Variants in PXDNL observed in about 807,000 individuals in gnomAD.
PXDNL encodes peroxidasin like.
A neutral mutation model predicts 150.8 loss-of-function variants in PXDNL; 145 were observed. That is an observed-to-expected ratio of 0.96 (90% confidence interval 0.84 to 1.10). The LOEUF is 1.10. PXDNL is among the 50% of genes least tolerant of loss of function. The pLI is 0.00. For missense variants in PXDNL, 2,087 were observed against 1,873.9 expected, an observed-to-expected ratio of 1.11 and a Z score of -2.10; for synonymous variants, 757 against 725.7, an observed-to-expected ratio of 1.04 and a Z score of -0.69.
At chr8:51,323,981 TATAAGAA>T (rs1448326062) in intron 21 of PXDNL, among the ~76,000 whole-genome samples, 1 of 151,646 alleles carries the variant, frequency 6.6e-6, no homozygotes. Flanking sequence ...GGGTCATTAG[TATAAGAA>T]ATACAGTGCG....
rs111420954 is a variant in PXDNL at position 51,758,367 on chromosome 8, T to C, written c.164+50814A>G. 2.6e-3 allele frequency among the ~76,000 whole-genome samples: 389 copies of C among 152,278 alleles called. 1 individual carries two copies. The highest frequency in any genetic ancestry group is 8.9e-3 in the African/African-American group (370 of 41,552). On this transcript the variant is annotated intron_variant, in intron 1 of 22. Transcript: ENST00000356297. ...ATGTATGAGTAATTCCCGACCATAT[T>C]TGGTTCATAAAGAAATGCAAGGAAA...
intron 1 of PXDNL, among the ~76,000 whole-genome samples, chr8:51,693,237 A>C (rs1816037456): frequency 6.6e-6 from 1 of 152,252 alleles, no homozygotes; most frequent in South Asian, 2.1e-4. Context: ...AAGAGTAAAC[A>C]GTCCAATTTG....
At chr8:51,802,362 T>C (rs2037630683) in intron 1 of PXDNL, among the ~76,000 whole-genome samples, 1 of 152,206 alleles carries the variant, frequency 6.6e-6, no homozygotes, top group African/African-American at 2.4e-5. Flanking sequence ...CTTCATTGTC[T>C]AGAGCAAGCT....
chr8:51,464,550 C>T (rs555249069), intron 8 of PXDNL, among the ~76,000 whole-genome samples: 2 of 152,108 alleles, frequency 1.3e-5, no homozygotes, highest in Admixed American at 6.5e-5. Context: ...ACAACAATTC[C>T]CACAGAAATA....
intron 1 of PXDNL, among the ~76,000 whole-genome samples, chr8:51,752,287 T>C (rs2037053307): frequency 6.6e-6 from 1 of 152,144 alleles, no homozygotes; most frequent in East Asian, 1.9e-4. Context: ...AATAAACTTG[T>C]TTGCAGAGGC....
At chr8:51,595,549 T>A (rs1010977366) in intron 2 of PXDNL, among the ~76,000 whole-genome samples, 1 of 152,148 alleles carries the variant, frequency 6.6e-6, no homozygotes, top group Non-Finnish European at 1.5e-5. Context: ...TTCCTGCTTG[T>A]TATGGTTATG....
intron 1 of PXDNL, among the ~76,000 whole-genome samples, chr8:51,783,945 G>T (rs2037437931): frequency 6.6e-6 from 1 of 152,132 alleles, no homozygotes; most frequent in Non-Finnish European, 1.5e-5. Context: ...AAATTCCAAA[G>T]TCATGATTGT....
chr8:51,437,901 A>G (rs1280978002), intron 12 of PXDNL, among the ~76,000 whole-genome samples: 1 of 152,196 alleles, frequency 6.6e-6, no homozygotes, highest in Non-Finnish European at 1.5e-5. Context: ...TTGTATACCT[A>G]GAAAACCCTA....
intron 8 of PXDNL, among the ~76,000 whole-genome samples, chr8:51,462,446 A>C (rs887140182): frequency 6.6e-6 from 1 of 152,198 alleles, no homozygotes; most frequent in Non-Finnish European, 1.5e-5. Flanking sequence ...CATTTTAAGA[A>C]AGAACCAAAT....
At chr8:51,681,287 A>T (rs1351224123) in intron 1 of PXDNL, among the ~76,000 whole-genome samples, 1 of 152,142 alleles carries the variant, frequency 6.6e-6, no homozygotes, top group African/African-American at 2.4e-5. Context: ...TCCCCATAAG[A>T]GAACTGCTCT....
At chr8:51,631,438 G>A (rs1385248591) in intron 2 of PXDNL, among the ~76,000 whole-genome samples, 1 of 151,956 alleles carries the variant, frequency 6.6e-6, no homozygotes, top group Admixed American at 6.6e-5. Context: ...TAAAATAAAA[G>A]CTTTTTAAAA....
At chr8:51,589,880 G>A (rs1813404815) in intron 3 of PXDNL, among the ~76,000 whole-genome samples, 1 of 152,154 alleles carries the variant, frequency 6.6e-6, no homozygotes, top group South Asian at 2.1e-4. Context: ...CTACAGGTGT[G>A]CCCAAGTGAC....
At chr8:51,624,683 TA>T (rs1282684679) in intron 2 of PXDNL, among the ~76,000 whole-genome samples, 137 of 148,364 alleles carry the variant, frequency 9.2e-4, no homozygotes, top group Middle Eastern at 3.6e-3. Flanking sequence ...ATATTATATA[TA>T]TAATATATAT....
chr8:51,684,563 G>T (rs1002434042), intron 1 of PXDNL, among the ~76,000 whole-genome samples: 3 of 152,186 alleles, frequency 2.0e-5, no homozygotes, highest in Non-Finnish European at 2.9e-5. Context: ...TGATTATACT[G>T]TTACATGCAA....
At chr8:51,607,213 A>G (rs1008519306) in intron 2 of PXDNL, among the ~76,000 whole-genome samples, 4 of 152,200 alleles carry the variant, frequency 2.6e-5, no homozygotes, top group African/African-American at 4.8e-5. Context: ...GGGGAGGGAC[A>G]CAGTTAGAAG....
At chr8:51,603,172 T>C (rs1481461575) in intron 2 of PXDNL, among the ~76,000 whole-genome samples, 1 of 151,876 alleles carries the variant, frequency 6.6e-6, no homozygotes, top group Non-Finnish European at 1.5e-5. Flanking sequence ...AATATCATTG[T>C]TTTTTAATAT....
intron 1 of PXDNL, among the ~76,000 whole-genome samples, chr8:51,719,647 A>C (rs1262766947): frequency 1.3e-5 from 2 of 152,122 alleles, no homozygotes; most frequent in Non-Finnish European, 2.9e-5. Flanking sequence ...TTTAAAAAAA[A>C]AAAAAAAACT....
chr8:51,744,941 AAAG>A lies in PXDNL; in HGVS notation c.164+64237_164+64239del, dbSNP rs2036962774. 1.1e-3 allele frequency among the ~76,000 whole-genome samples: 6 copies of A among 5,584 alleles called. 1 individual carries two copies. The Admixed American group carries it at 0.019, about 18-fold the overall frequency. 3.7% of individuals were successfully genotyped at this position (5,584 alleles called of 152,430 possible). A position where few individuals can be genotyped will look rare whatever the true frequency, so the allele number is the denominator to read the frequency against. ...AGGAAAGAAAGAAAAAGAAAGAAAG[AAAG>A]AAAGAAAGAAAGAAAGAAAGAAAGA... On this transcript the variant is annotated intron_variant, in intron 1 of 22. Coordinates refer to ENST00000356297, the MANE Select transcript of PXDNL (RefSeq NM_144651.5).
At chr8:51,773,094 T>C (rs1272417669) in intron 1 of PXDNL, among the ~76,000 whole-genome samples, 3 of 152,230 alleles carry the variant, frequency 2.0e-5, no homozygotes, top group African/African-American at 4.8e-5. Context: ...AGGATGATAA[T>C]AGGATGAACT....
Sources: gnomAD v4.1 joint callset for allele counts (sites outside exome capture counted in the v4.1 genomes callset) on GRCh38, gnomAD v4.1.1 for gene constraint, MANE v1.5 for transcripts, NCBI Gene and HGNC (gene_info 2026-07-23, HGNC 2026-07-21) for gene names.